RRAGD: variants seen among roughly 807,000 people sequenced by gnomAD.
RRAGD encodes the protein Ras related GTP binding D, also known as ras-related GTP-binding protein D.
RRAGD carries 12 observed loss-of-function variants against 35.5 expected under a neutral mutation model. That is an observed-to-expected ratio of 0.34 (90% CI 0.22 to 0.55). RRAGD has a LOEUF of 0.55. RRAGD is among the 20% of genes least tolerant of loss of function. The probability of loss-of-function intolerance (pLI) is 0.91; values close to 1 mark genes in which losing one functional copy is unlikely to be tolerated. For synonymous variants in RRAGD, 155 were observed against 178.9 expected (o/e 0.87, Z 1.07); for missense variants, 324 against 490.1 (o/e 0.66, Z 3.20).
intron 1 of RRAGD, among the ~76,000 whole-genome samples, chr6:89,401,755 G>A (rs888916538): frequency 1.3e-5 from 2 of 152,044 alleles, no homozygotes; most frequent in African/African-American, 4.8e-5. Context: ...CACCCCCACT[G>A]CTAAATCAGG....
At chr6:89,388,813 T>A (rs1769180502) in intron 1 of RRAGD, among the ~76,000 whole-genome samples, 1 of 152,166 alleles carries the variant, frequency 6.6e-6, no homozygotes, top group Admixed American at 6.5e-5. Flanking sequence ...CCTGAGCTTG[T>A]TTTCCTGCAA....
chr6:89,394,557 C>T (rs1028428628), intron 1 of RRAGD, among the ~76,000 whole-genome samples: 5 of 152,104 alleles, frequency 3.3e-5, no homozygotes, highest in African/African-American at 1.2e-4. Flanking sequence ...CACTTAATCC[C>T]TTTGAAATAA....
Position 89,384,658 on chromosome 6 carries a change from T to C in RRAGD, c.444+2637A>G, listed in dbSNP as rs144740433. On this transcript the variant is annotated intron_variant, in intron 2 of 6. Coordinates refer to ENST00000369415, the MANE Select transcript of RRAGD (RefSeq NM_021244.5). ...GGTGAAACCCCATCTCTACTAAAAATCAAAAAATTAGCCGGGTGTGGTGGC... is the reference window on the plus strand; with the variant it reads ...GGTGAAACCCCATCTCTACTAAAAACCAAAAAATTAGCCGGGTGTGGTGGC... 8.4e-3 allele frequency among the ~76,000 whole-genome samples: 1,274 copies of C among 151,660 alleles called. 16 individuals are homozygous for C. Among genetic ancestry groups the C allele is most frequent in the African/African-American group, 0.029 (1,199 of 41,364 alleles).
intron 1 of RRAGD, among the ~76,000 whole-genome samples, chr6:89,389,125 G>A (rs1273289061): frequency 6.6e-6 from 1 of 152,066 alleles, no homozygotes; most frequent in East Asian, 1.9e-4. Flanking sequence ...CCGGGGTTTG[G>A]GGATCCCTGA....
In RRAGD at chr6:89,365,820, G is replaced by A. The variant is rs1229687507; in HGVS notation, c.*2236C>T. On this transcript the variant is annotated 3_prime_UTR_variant, in exon 7 of 7. Coordinates refer to ENST00000369415, the MANE Select transcript of RRAGD (RefSeq NM_021244.5). ...ATAGTAATAAATATACCTAAGTAAT[G>A]TGTGATTTACCAAATAGGCTAGTGT... 6.6e-6 allele frequency: 1 copy of A among 152,234 alleles called. No homozygotes were observed. The highest frequency in any genetic ancestry group is 1.5e-5 in the Non-Finnish European group (1 of 68,044). 9.4% of individuals were successfully genotyped at this position (152,234 alleles called of 1,614,324 possible). A position where few individuals can be genotyped will look rare whatever the true frequency, so the allele number is the denominator to read the frequency against.
At position 89,411,536 on chromosome 6, in the gene RRAGD, T is replaced by TGG. The variant is rs1769692960; in HGVS notation, c.148+308_148+309dup. The TGG allele has an allele frequency of 2.8e-6, 1 of 357,414 alleles. No homozygotes were observed. The highest frequency in any genetic ancestry group is 2.2e-5 in the African/African-American group (1 of 46,052). 22.1% of individuals were successfully genotyped at this position (357,414 alleles called of 1,614,324 possible). ...CAACCGCCAGACGCTGCGGAGAGCTTGGGGTGAGGGGCGCGGGAGGCACCG... is the reference window on the plus strand; with the variant it reads ...CAACCGCCAGACGCTGCGGAGAGCTTGGGGGGTGAGGGGCGCGGGAGGCACCG... On this transcript the variant is annotated intron_variant, in intron 1 of 6. Coordinates refer to ENST00000369415, the MANE Select transcript of RRAGD (RefSeq NM_021244.5). This position sits in a 1 kb window ranked among gnomAD's most constrained non-coding sequence, Gnocchi z 5.6.
intron 2 of RRAGD, among the ~76,000 whole-genome samples, chr6:89,384,730 G>T (rs192383337): frequency 5.4e-4 from 82 of 151,584 alleles, no homozygotes; most frequent in African/African-American, 1.9e-3. Context: ...CAGGAAAATG[G>T]CGTGAACCCA....
chr6:89,397,565 C>T (rs912450884), intron 1 of RRAGD, among the ~76,000 whole-genome samples: 4 of 151,008 alleles, frequency 2.6e-5, no homozygotes, highest in Non-Finnish European at 5.9e-5. Context: ...GATCGCGCCA[C>T]TGCACTCCAG....
At chr6:89,402,038 A>ACT (rs1554205014) in intron 1 of RRAGD, among the ~76,000 whole-genome samples, 5 of 78,440 alleles carry the variant, frequency 6.4e-5, no homozygotes, top group African/African-American at 1.3e-4. Context: ...AATCCTAAGG[A>ACT]TTTTTTTTTT....
intron 1 of RRAGD, among the ~76,000 whole-genome samples, chr6:89,396,089 T>C (rs968303735): frequency 1.3e-5 from 2 of 152,160 alleles, no homozygotes; most frequent in African/African-American, 4.8e-5. Flanking sequence ...CAAAAATTTC[T>C]TAGATATGAC....
chr6:89,405,251 G>A (rs1040885914), intron 1 of RRAGD, among the ~76,000 whole-genome samples: 2 of 151,498 alleles, frequency 1.3e-5, no homozygotes, highest in African/African-American at 4.9e-5. Flanking sequence ...CTGCTGGGGA[G>A]GCTGAGGCAG....
chr6:89,380,026 C>G, intron 3 of RRAGD, 142 bp downstream of exon 3: 1 of 731,672 alleles, frequency 1.4e-6, no homozygotes, highest in East Asian at 2.5e-5. Context: ...TCATTTTCCC[C>G]TAATCCTATC....
At chr6:89,408,982 T>C (rs1582527993) in intron 1 of RRAGD, among the ~76,000 whole-genome samples, 1 of 152,054 alleles carries the variant, frequency 6.6e-6, no homozygotes, top group South Asian at 2.1e-4. Flanking sequence ...GAAAGGAAGG[T>C]TGAGAGGTGC....
At chr6:89,368,600 G>A (rs1768798190) in intron 6 of RRAGD, among the ~76,000 whole-genome samples, 1 of 152,150 alleles carries the variant, frequency 6.6e-6, no homozygotes, top group Non-Finnish European at 1.5e-5. Flanking sequence ...ACTGAGTAGA[G>A]GCAGATCCTG....
intron 1 of RRAGD, among the ~76,000 whole-genome samples, chr6:89,394,072 T>C (rs375331592): frequency 1.6e-4 from 25 of 152,244 alleles, no homozygotes; most frequent in African/African-American, 6.0e-4. Flanking sequence ...GAACCATTAT[T>C]TTACTAAAGA....
rs1354971391 is a variant in RRAGD, at chr6:89,411,784, G to A, written c.148+62C>T. 1.3e-6 allele frequency: 2 copies of A among 1,493,166 alleles called. No homozygotes were observed. Among genetic ancestry groups the A allele is most frequent in the South Asian group, 1.2e-5 (1 of 80,690 alleles). The allele number at this position is 1,493,166 out of a possible 1,614,324, so 92.5% of individuals were successfully genotyped here. A position where few individuals can be genotyped will look rare whatever the true frequency, so the allele number is the denominator to read the frequency against. On this transcript the variant is annotated intron_variant, in intron 1 of 6. Coordinates refer to ENST00000369415, the MANE Select transcript of RRAGD (RefSeq NM_021244.5). The surrounding 1 kb of genome is among the most constrained non-coding windows in gnomAD (Gnocchi z 5.6). Reference sequence around the variant, plus strand: ...TGGCTCGCGCACGGCCGGGCTGGGGGCGGGAAGGCGCCAAGGGGAGGAAAG... The same window carrying A: ...TGGCTCGCGCACGGCCGGGCTGGGGACGGGAAGGCGCCAAGGGGAGGAAAG...
At chr6:89,371,734 A>T (rs1768857117) in intron 6 of RRAGD, among the ~76,000 whole-genome samples, 1 of 152,180 alleles carries the variant, frequency 6.6e-6, no homozygotes, top group Non-Finnish European at 1.5e-5. Flanking sequence ...AGTAAACCAT[A>T]CCCTATTACT....
chr6:89,411,944 T>C lies in RRAGD; in HGVS notation c.50A>G (p.Glu17Gly). The C allele has an allele frequency of 6.5e-7, 1 of 1,538,732 alleles. No individual in the cohort carries two copies. Among genetic ancestry groups the C allele is most frequent in the Non-Finnish European group, 8.7e-7 (1 of 1,145,856 alleles). The change falls in exon 1 of 7, where the codon GAG (glutamate) becomes GGG (glycine). Residue 17 changes from glutamate to glycine, a missense_variant. Coordinates refer to ENST00000369415, the MANE Select transcript of RRAGD (RefSeq NM_021244.5). This position sits in a 1 kb window ranked among gnomAD's most constrained non-coding sequence, Gnocchi z 5.6. ...CAGCTCATCCTCCTCCTCCTCCTCC[T>C]CCGCGTCGTCCTCGTCCTGCGGCTG... ...KPQPQDEDDAEEEEEEDELVG... is the reference protein window; with the variant it reads ...KPQPQDEDDAGEEEEEDELVG...
chr6:89,374,245 G>A (rs372394888), intron 5 of RRAGD, among the ~76,000 whole-genome samples: 56 of 152,298 alleles, frequency 3.7e-4, no homozygotes, highest in African/African-American at 1.0e-3. Flanking sequence ...CAAAGCTGAC[G>A]ATAGGGGTAA....
Sources: allele counts gnomAD v4.1 joint callset (sites outside exome capture counted in the v4.1 genomes callset), GRCh38; gene constraint gnomAD v4.1.1; non-coding constraint Gnocchi (gnomAD v3.1); transcripts MANE v1.5; gene names NCBI Gene and HGNC (gene_info 2026-07-23, HGNC 2026-07-21).